The following NXPE2 variants were observed in gnomAD, a reference collection of about 807,000 sequenced individuals.
NXPE2 encodes NXPE family member 2.
NXPE2 carries 34 observed loss-of-function variants against 34.4 expected under a neutral mutation model. That is an observed-to-expected ratio of 0.99 (90% confidence interval 0.75 to 1.31). The LOEUF is 1.31. Ranked by LOEUF, NXPE2 falls within the 40% of genes most tolerant of loss-of-function variation. The probability of loss-of-function intolerance (pLI) is 0.00; values close to 1 mark genes in which losing one functional copy is unlikely to be tolerated. For synonymous variants in NXPE2, 235 were observed against 231.3 expected, an observed-to-expected ratio of 1.02 and a Z score of -0.15; for missense variants, 649 against 672.5, an observed-to-expected ratio of 0.97 and a Z score of 0.39.
the NXPE2 span, among the ~76,000 whole-genome samples, chr11:114,560,273 C>CTT: frequency 0.027 from 3,597 of 135,124 alleles, 84 homozygotes; most frequent in African/African-American, 0.066. Context: ...CTTTTTTTTT[C>CTT]TTTTTTTTTT....
chr11:114,605,882 C>T, the NXPE2 span, among the ~76,000 whole-genome samples: 6 of 150,750 alleles, frequency 4.0e-5, no homozygotes, highest in East Asian at 2.0e-4. Flanking sequence ...AGTGTTGCCT[C>T]GTGCATAACC....
the NXPE2 span, among the ~76,000 whole-genome samples, chr11:114,759,408 G>C: frequency 1.3e-5 from 2 of 152,182 alleles, no homozygotes; most frequent in East Asian, 3.8e-4. Context: ...CCTCTGGGGT[G>C]TTGTGAAGAT....
intron 2 of NXPE2, among the ~76,000 whole-genome samples, chr11:114,680,055 C>T (rs902024435): frequency 9.9e-5 from 15 of 152,112 alleles, no homozygotes; most frequent in African/African-American, 3.4e-4. Context: ...TTCTCTCCTC[C>T]TCCCTTGGCC....
chr11:114,632,941 ATT>A, the NXPE2 span, among the ~76,000 whole-genome samples: 1 of 98,362 alleles, frequency 1.0e-5, no homozygotes, highest in Non-Finnish European at 1.8e-5. Context: ...AATAATATAT[ATT>A]ATATGATATT....
chr11:114,626,976 A>G, the NXPE2 span, among the ~76,000 whole-genome samples: 3 of 152,130 alleles, frequency 2.0e-5, no homozygotes, highest in African/African-American at 7.2e-5. Context: ...AGAAAAAAGA[A>G]TAAAAAGAAA....
chr11:114,560,273 CTTT>C, the NXPE2 span, among the ~76,000 whole-genome samples: 10 of 135,124 alleles, frequency 7.4e-5, no homozygotes, highest in Admixed American at 7.4e-5. Context: ...CTTTTTTTTT[CTTT>C]TTTTTTTTTT....
chr11:114,596,461 C>T, the NXPE2 span, among the ~76,000 whole-genome samples: 1 of 152,178 alleles, frequency 6.6e-6, no homozygotes, highest in Non-Finnish European at 1.5e-5. Flanking sequence ...CTTATTTAAG[C>T]ATGCCCATCA....
At chr11:114,636,053 C>G in the NXPE2 span, among the ~76,000 whole-genome samples, 1 of 151,218 alleles carries the variant, frequency 6.6e-6, no homozygotes, top group Admixed American at 6.6e-5. Flanking sequence ...CCAGTTCCTC[C>G]TTGTACCTCT....
chr11:114,727,444 A>T, the NXPE2 span, among the ~76,000 whole-genome samples: 1 of 152,050 alleles, frequency 6.6e-6, no homozygotes, highest in Non-Finnish European at 1.5e-5. Flanking sequence ...ATATCACCAC[A>T]TTGCGGATTA....
At chr11:114,523,705 G>A in the NXPE2 span, among the ~76,000 whole-genome samples, 1 of 152,160 alleles carries the variant, frequency 6.6e-6, no homozygotes, top group African/African-American at 2.4e-5. Flanking sequence ...CACATGGTCT[G>A]CCTTCTATTA....
chr11:114,759,924 G>T, the NXPE2 span, among the ~76,000 whole-genome samples: 1 of 152,062 alleles, frequency 6.6e-6, no homozygotes, highest in Non-Finnish European at 1.5e-5. Flanking sequence ...TTTTCTAAGG[G>T]TCACTGCTTC....
the NXPE2 span, among the ~76,000 whole-genome samples, chr11:114,537,247 C>T: frequency 1.3e-5 from 2 of 152,192 alleles, no homozygotes; most frequent in Non-Finnish European, 2.9e-5. Context: ...ATGCTAAAAA[C>T]TCTCAATAAA....
the NXPE2 span, among the ~76,000 whole-genome samples, chr11:114,645,476 GACAA>G: frequency 6.6e-6 from 1 of 151,962 alleles, no homozygotes; most frequent in East Asian, 1.9e-4. Context: ...ATTTCTGAAA[GACAA>G]ACAAAAACCA....
the NXPE2 span, among the ~76,000 whole-genome samples, chr11:114,490,187 C>T: frequency 2.6e-5 from 4 of 152,190 alleles, no homozygotes; most frequent in African/African-American, 9.6e-5. Context: ...CTACAAACCA[C>T]TGCTCAATGA....
chr11:114,739,322 TCCTTCCTTCCTTCCTTC>T, the NXPE2 span, among the ~76,000 whole-genome samples: 136 of 54,080 alleles, frequency 2.5e-3, 2 homozygotes, highest in Admixed American at 7.2e-3. Flanking sequence ...CTTCCTTCCT[TCCTTCCTTCCTTCCTTC>T]CCCCCTTCCT....
chr11:114,638,398 C>T, the NXPE2 span, among the ~76,000 whole-genome samples: 1 of 151,888 alleles, frequency 6.6e-6, no homozygotes, highest in Non-Finnish European at 1.5e-5. Context: ...AACTTCTTTG[C>T]CTTCGGTTTG....
chr11:114,617,327 A>G, the NXPE2 span, among the ~76,000 whole-genome samples: 928 of 151,860 alleles, frequency 6.1e-3, 2 homozygotes, highest in Non-Finnish European at 8.9e-3. Flanking sequence ...CTCGTGGGTA[A>G]CCACTCTTAC....
the NXPE2 span, among the ~76,000 whole-genome samples, chr11:114,540,364 T>A: frequency 1.3e-5 from 2 of 152,270 alleles, no homozygotes; most frequent in Admixed American, 1.3e-4. Flanking sequence ...TATAGCAACA[T>A]GATTAGATTT....
At chr11:114,597,914 C>A in the NXPE2 span, among the ~76,000 whole-genome samples, 1 of 152,126 alleles carries the variant, frequency 6.6e-6, no homozygotes, top group Non-Finnish European at 1.5e-5. Flanking sequence ...TACAATCATG[C>A]CTTCCCAACA....
Sources: gnomAD v4.1 joint callset for allele counts (sites outside exome capture counted in the v4.1 genomes callset) on GRCh38, gnomAD v4.1.1 for gene constraint, MANE v1.5 for transcripts, NCBI Gene and HGNC (gene_info 2026-07-23, HGNC 2026-07-21) for gene names.